ZDHHC15: variants seen among roughly 807,000 people sequenced by gnomAD.
The protein encoded by ZDHHC15 is zDHHC palmitoyltransferase 15, also known as palmitoyltransferase ZDHHC15.
In ZDHHC15, 19 loss-of-function variants were observed where a neutral mutation model predicts 31.7. The observed-to-expected ratio is 0.60, with a 90% confidence interval of 0.42 to 0.88. The LOEUF (loss-of-function observed/expected upper bound fraction) is 0.88, where lower values mean the gene tolerates loss of function less well. ZDHHC15 is among the 40% of genes least tolerant of loss of function. The pLI is 0.00. For missense variants in ZDHHC15, 209 were observed against 251.2 expected, an observed-to-expected ratio of 0.83 and a Z score of 1.14; for synonymous variants, 103 against 90.0, an observed-to-expected ratio of 1.14 and a Z score of -0.82.
chrX:75,442,886 T>C (rs1381345717), intron 4 of ZDHHC15, among the ~76,000 whole-genome samples: 3 of 102,585 alleles, frequency 2.9e-5, no homozygotes, highest in African/African-American at 1.1e-4. Context: ...CTCGGGAGGC[T>C]GAGGCAGGAG....
chrX:75,510,479 T>G (rs2085244979), intron 1 of ZDHHC15, among the ~76,000 whole-genome samples: 1 of 106,506 alleles, frequency 9.4e-6, no homozygotes, highest in African/African-American at 3.4e-5. Flanking sequence ...TTCTTCTGTT[T>G]TTTTTTTTTT....
At chrX:75,517,147 A>C (rs1045769227) in intron 1 of ZDHHC15, among the ~76,000 whole-genome samples, 1 of 111,869 alleles carries the variant, frequency 8.9e-6, no homozygotes, top group Non-Finnish European at 1.9e-5. Context: ...TGGGAGTGTA[A>C]ACTAGTTCAA....
chrX:75,444,683 TATATACACACAC>T (rs1344634784), intron 4 of ZDHHC15, among the ~76,000 whole-genome samples: 2 of 34,562 alleles, frequency 5.8e-5, no homozygotes, highest in African/African-American at 2.0e-4. Flanking sequence ...TATATATATA[TATATACACACAC>T]ACACACACAC....
intron 11 of ZDHHC15, among the ~76,000 whole-genome samples, chrX:75,374,542 C>T (rs868853298): frequency 8.2e-5 from 9 of 109,914 alleles, no homozygotes; most frequent in Middle Eastern, 4.2e-3. Flanking sequence ...TTGGTACTTA[C>T]CCAAGCACAG....
At chrX:75,391,628 T>C (rs2083243357) in intron 10 of ZDHHC15, among the ~76,000 whole-genome samples, 1 of 112,064 alleles carries the variant, frequency 8.9e-6, no homozygotes, top group African/African-American at 3.2e-5. Flanking sequence ...AAAATATTCT[T>C]CAAACATGTA....
rs75698355 is a variant in ZDHHC15 at position 75,468,062 on chromosome X, T to A, written c.258+10829A>T. Among the ~76,000 whole-genome samples the A allele has an allele frequency of 9.0e-5, 6 of 66,540 alleles. No individual in the cohort carries two copies. The South Asian group carries it at 2.0e-3, about 22-fold the overall frequency. 57.8% of individuals were successfully genotyped at this position (66,540 alleles called of 115,157 possible). ...CATAATTTTTTTTTTTTTTTTTTTT[T>A]AGACAGAGTTTTGCTCTTTGTTGCC... On this transcript the variant is annotated intron_variant, in intron 3 of 11. Coordinates refer to ENST00000373367, the MANE Select transcript of ZDHHC15 (RefSeq NM_144969.3).
chrX:75,450,866 G>A lies in ZDHHC15; in HGVS notation c.315C>T (p.Val105=). 8.3e-7 allele frequency: 1 copy of A among 1,210,849 alleles called. No individual in the cohort carries two copies. The highest frequency in any genetic ancestry group is 1.1e-6 in the Non-Finnish European group (1 of 895,040). The change falls in exon 4 of 12, where the codon GTC becomes GTT. Residue 105 remains valine (V), a synonymous_variant. Coordinates refer to ENST00000373367, the MANE Select transcript of ZDHHC15 (RefSeq NM_144969.3). Reference sequence around the variant, plus strand: ...CCATATCAACAAGCATCTGCTTCTGGACCTCAGGTCTTTCTTCATTTTCAT... The same window carrying A: ...CCATATCAACAAGCATCTGCTTCTGAACCTCAGGTCTTTCTTCATTTTCAT... ...ERYENEERPE[V]QKQMLVDMAK...
At chrX:75,522,801 G>C in intron 1 of ZDHHC15, 88 bp downstream of exon 1, 1 of 1,124,085 alleles carries the variant, frequency 8.9e-7, no homozygotes, top group South Asian at 2.0e-5. Context: ...GAGAAGGCTT[G>C]AGAACACAAG....
At chrX:75,449,454 T>C (rs2084084500) in intron 4 of ZDHHC15, among the ~76,000 whole-genome samples, 1 of 111,585 alleles carries the variant, frequency 9.0e-6, no homozygotes. Flanking sequence ...GATTCAACAA[T>C]TATCAACATT....
chrX:75,503,119 CCTA>C (rs1025500705), intron 2 of ZDHHC15, among the ~76,000 whole-genome samples: 3 of 109,844 alleles, frequency 2.7e-5, no homozygotes, highest in African/African-American at 9.9e-5. Flanking sequence ...AATATATACA[CCTA>C]CTATCTATCC....
intron 2 of ZDHHC15, among the ~76,000 whole-genome samples, chrX:75,496,852 A>G (rs2085008156): frequency 9.0e-6 from 1 of 111,551 alleles, no homozygotes; most frequent in Non-Finnish European, 1.9e-5. Context: ...AGTGGTGCTA[A>G]GAAGAAAGTT....
Position 75,379,121 on chromosome X carries a change from T to A in ZDHHC15, c.*31A>T, listed in dbSNP as rs747801640. On this transcript the variant is annotated splice_region_variant and 3_prime_UTR_variant, in exon 11 of 12. Coordinates refer to ENST00000373367, the MANE Select transcript of ZDHHC15 (RefSeq NM_144969.3). ...ATGTGTCTCCCTCAGAATACTGACC[T>A]GTCTGAGAGATGCAGGAAATGTGAA... is the stretch of plus-strand genomic sequence containing the variant. 6 of 1,204,652 alleles carry A rather than the reference T, an allele frequency of 5.0e-6. No homozygotes were observed. Among genetic ancestry groups the A allele is most frequent in the Non-Finnish European group, 6.7e-6 (6 of 890,386 alleles).
At chrX:75,486,129 C>A (rs1212669569) in intron 2 of ZDHHC15, among the ~76,000 whole-genome samples, 1 of 112,537 alleles carries the variant, frequency 8.9e-6, no homozygotes, top group African/African-American at 3.2e-5. Flanking sequence ...AAGTATGACA[C>A]AGAGAAAAGT....
At chrX:75,521,195 C>T (rs2085436898) in intron 1 of ZDHHC15, among the ~76,000 whole-genome samples, 1 of 110,075 alleles carries the variant, frequency 9.1e-6, no homozygotes. Flanking sequence ...TATTGGAGCC[C>T]CAAACTAGAT....
Position 75,375,157 on chromosome X carries a change from C to T in ZDHHC15, c.*33-2212G>A, listed in dbSNP as rs754803591. Among the ~76,000 whole-genome samples the T allele has an allele frequency of 4.5e-5, 5 of 111,506 alleles. No homozygotes were observed. In the South Asian group the frequency reaches 1.5e-3, roughly 33 times the overall value. On this transcript the variant is annotated intron_variant, in intron 11 of 11. Transcript: ENST00000373367. ...TTTATACGTGTTTCCAAGTTGCACT[C>T]AAAAAATGATCTATGAATTTAAACT... is the stretch of plus-strand genomic sequence containing the variant.
chrX:75,372,100 A>AT lies in ZDHHC15; in HGVS notation c.*877dup, dbSNP rs1336153622. 1 of 112,037 alleles carries AT rather than the reference A, an allele frequency of 8.9e-6. No homozygotes were observed. The highest frequency in any genetic ancestry group is 1.9e-5 in the Non-Finnish European group (1 of 53,183). 9.2% of individuals were successfully genotyped at this position (112,037 alleles called of 1,213,427 possible). ...TATGGGCCATAACTTAGGCTTATAG[A>AT]TTTTCTTTCATCATAAAATAACTCA... is the stretch of plus-strand genomic sequence containing the variant. On this transcript the variant is annotated 3_prime_UTR_variant, in exon 12 of 12. Transcript: ENST00000373367.
intron 3 of ZDHHC15, among the ~76,000 whole-genome samples, chrX:75,457,406 A>G (rs576741329): frequency 2.7e-5 from 3 of 111,288 alleles, no homozygotes; most frequent in South Asian, 3.8e-4. Context: ...CTTTGGTTGA[A>G]TATTTTCTAC....
intron 1 of ZDHHC15, among the ~76,000 whole-genome samples, chrX:75,518,768 G>GGT (rs1243886206): frequency 6.8e-4 from 27 of 39,501 alleles, no homozygotes; most frequent in Middle Eastern, 0.017. Flanking sequence ...ATAACAAACT[G>GGT]GTATATATAT....
intron 2 of ZDHHC15, among the ~76,000 whole-genome samples, chrX:75,498,119 G>C (rs1354213324): frequency 1.8e-5 from 2 of 109,802 alleles, no homozygotes; most frequent in African/African-American, 6.6e-5. Context: ...TTTTTGTAGA[G>C]ACAGGGTTTT....
Sources: allele counts gnomAD v4.1 joint callset (sites outside exome capture counted in the v4.1 genomes callset), GRCh38; gene constraint gnomAD v4.1.1; transcripts MANE v1.5; gene names NCBI Gene and HGNC (gene_info 2026-07-23, HGNC 2026-07-21).